The following DGKZ variants were observed in gnomAD, a reference collection of about 807,000 sequenced individuals.
DGKZ encodes DAG kinase zeta.
In DGKZ, 45 loss-of-function variants were observed where a neutral mutation model predicts 142.5. That is an observed-to-expected ratio of 0.32 (90% CI 0.25 to 0.40). The LOEUF is 0.40. Among genes scored for constraint, DGKZ ranks in the 10% least tolerant of loss-of-function variants. The pLI, the probability that DGKZ is intolerant of heterozygous loss-of-function variation, is 1.00. For synonymous variants in DGKZ, 442 were observed against 527.0 expected (o/e 0.84, Z 2.21); for missense variants, 755 against 1,306.5 (o/e 0.58, Z 6.51).
chr11:46,371,553 G>A (rs1943949214), exon 8 of DGKZ: 4 of 1,610,684 alleles, frequency 2.5e-6, no homozygotes, highest in Non-Finnish European at 2.5e-6. Flanking sequence ...GGGGGTCCAC[G>A]CAGCCGTGGT....
rs151034874 is a variant in DGKZ, at chr11:46,369,786, C to T, written c.502-155C>T. 5,522 of 928,460 alleles carry T rather than the reference C, an allele frequency of 5.9e-3. 45 individuals carry two copies. The highest frequency in any genetic ancestry group is 6.1e-3 in the Non-Finnish European group (3,643 of 598,718). The allele number at this position is 928,460 out of a possible 1,614,324, so 57.5% of individuals were successfully genotyped here. A position where few individuals can be genotyped will look rare whatever the true frequency, so the allele number is the denominator to read the frequency against. On this transcript the variant is annotated intron_variant, in intron 5 of 30. Transcript: ENST00000527911. ...CTGTCCCTCTGAGTCTGAGCCTCCC[C>T]CAGGCCATGAAGAGAGTCTTTAGCC...
chr11:46,371,056 G>C (rs963449569), intron 6 of DGKZ, among the ~76,000 whole-genome samples: 1 of 152,212 alleles, frequency 6.6e-6, no homozygotes, highest in African/African-American at 2.4e-5. Flanking sequence ...CTGCACTCCA[G>C]CCTGGGCAAC....
At chr11:46,358,297 C>T (rs1254276285) in intron 1 of DGKZ, among the ~76,000 whole-genome samples, 1 of 152,110 alleles carries the variant, frequency 6.6e-6, no homozygotes, top group African/African-American at 2.4e-5. Context: ...GTACCTATAT[C>T]TTCTGATATT....
intron 1 of DGKZ, among the ~76,000 whole-genome samples, chr11:46,350,339 TTGGCTGGTCC>T (rs1941211144): frequency 6.6e-6 from 1 of 152,164 alleles, no homozygotes; most frequent in Non-Finnish European, 1.5e-5. Flanking sequence ...CCAATGCTGC[TTGGCTGGTCC>T]TGCTACCTTT....
intron 1 of DGKZ, among the ~76,000 whole-genome samples, chr11:46,352,504 CCCAGG>C (rs1487701272): frequency 6.6e-6 from 1 of 152,194 alleles, no homozygotes; most frequent in Non-Finnish European, 1.5e-5. Flanking sequence ...TCCCCTGAGG[CCCAGG>C]CCCAGCCAGG....
chr11:46,378,345 G>A (rs939099746), intron 26 of DGKZ, 112 bp from the exon 27 acceptor site: 44 of 1,538,516 alleles, frequency 2.9e-5, no homozygotes, highest in African/African-American at 6.8e-5. Flanking sequence ...TGAGCTTCAC[G>A]CACCAACGGA....
At chr11:46,353,044 G>A (rs1426960117) in intron 1 of DGKZ, among the ~76,000 whole-genome samples, 3 of 152,242 alleles carry the variant, frequency 2.0e-5, no homozygotes, top group Non-Finnish European at 2.9e-5. Flanking sequence ...CTGTGGCCGC[G>A]GAGGGGAGGG....
In DGKZ at chr11:46,378,198, G is replaced by A. The variant is rs1485806259; in HGVS notation, c.2343G>A (p.Arg781=). 1 of 1,609,454 alleles carries A rather than the reference G, an allele frequency of 6.2e-7. No homozygotes were observed. Among genetic ancestry groups the A allele is most frequent in the Non-Finnish European group, 8.5e-7 (1 of 1,178,646 alleles). Residue 781 remains arginine (R), a splice_region_variant and synonymous_variant, in exon 26 of 31, where the codon CGG becomes CGA. Coordinates refer to ENST00000527911, the Ensembl canonical transcript of DGKZ. Reference sequence around the variant, plus strand: ...CACAGCACATCATGCTCTGTTGCAGGTCACTGCAAGGGGATGCTGCACCCC... The same window carrying A: ...CACAGCACATCATGCTCTGTTGCAGATCACTGCAAGGGGATGCTGCACCCC...
Position 46,337,662 on chromosome 11 carries a change from G to C in DGKZ, c.212+4175G>C, listed in dbSNP as rs982189635. ...CAGGTGTATAGGGTTGGGCCTGGACGCCTCCATGCTAAAAACCTCTCCCAG... is the reference window on the plus strand; with the variant it reads ...CAGGTGTATAGGGTTGGGCCTGGACCCCTCCATGCTAAAAACCTCTCCCAG... On this transcript the variant is annotated intron_variant, in intron 1 of 30. Coordinates refer to the DGKZ transcript ENST00000343674. Among the ~76,000 whole-genome samples the C allele has an allele frequency of 2.6e-5, 4 of 152,046 alleles. No homozygotes were observed. In the South Asian group the frequency reaches 8.3e-4, roughly 32 times the overall value.
intron 1 of DGKZ, among the ~76,000 whole-genome samples, chr11:46,359,191 C>T (rs1288393670): frequency 6.6e-6 from 1 of 150,466 alleles, no homozygotes; most frequent in East Asian, 2.0e-4. Flanking sequence ...GCCTGTAATC[C>T]CAGCACTTTG....
chr11:46,352,975 G>A (rs1259643831), intron 1 of DGKZ, among the ~76,000 whole-genome samples: 5 of 152,172 alleles, frequency 3.3e-5, no homozygotes, highest in Admixed American at 2.6e-4. Context: ...CCCCTGCCTC[G>A]CTGAAACACC....
In DGKZ at chr11:46,372,991, C is replaced by G; in HGVS notation, c.1216C>G (p.Leu406Val). 1.3e-6 allele frequency: 2 copies of G among 1,538,868 alleles called. No homozygotes were observed. Among genetic ancestry groups the G allele is most frequent in the Non-Finnish European group, 1.8e-6 (2 of 1,138,022 alleles). Residue 406 changes from leucine to valine, a missense_variant, in exon 14 of 31, where the codon CTC (leucine) becomes GTC (valine). Coordinates refer to ENST00000527911, the Ensembl canonical transcript of DGKZ. This position sits in a 1 kb window ranked among gnomAD's most constrained non-coding sequence, Gnocchi z 5.9. ...CACAGATGAGCCTGTGTCCAAGATC[C>G]TCTCCCACGTGGAGGAGGGGAACGT...
In DGKZ at chr11:46,372,033, C is replaced by T. The variant is rs763745024; in HGVS notation, c.832-42C>T. 1 of 1,556,440 alleles carries T rather than the reference C, an allele frequency of 6.4e-7. No individual in the cohort carries two copies. Among genetic ancestry groups the T allele is most frequent in the South Asian group, 1.2e-5 (1 of 85,858 alleles). On this transcript the variant is annotated intron_variant, in intron 9 of 30. Coordinates refer to ENST00000527911, the Ensembl canonical transcript of DGKZ. The surrounding 1 kb of genome is among the most constrained non-coding windows in gnomAD (Gnocchi z 5.9). ...CTGCTAAGGATGATGGTAGGGTGTC[C>T]TGGACGGGAAGGAGCTTACAGCCTC... is the stretch of plus-strand genomic sequence containing the variant.
rs1940847687 is a variant in DGKZ at position 46,347,836 on chromosome 11, G to T, written c.161+16G>T. 1 of 1,280,778 alleles carries T rather than the reference G, an allele frequency of 7.8e-7. No individual in the cohort carries two copies. Among genetic ancestry groups the T allele is most frequent in the East Asian group, 3.1e-5 (1 of 31,756 alleles). The allele number at this position is 1,280,778 out of a possible 1,614,324, so 79.3% of individuals were successfully genotyped here. On this transcript the variant is annotated intron_variant, in intron 1 of 30. Transcript: ENST00000527911. The surrounding 1 kb of genome is among the most constrained non-coding windows in gnomAD (Gnocchi z 6.4). ...TCGGGCACAGGTGAGCGGGGCGGCG[G>T]CGGGGCAGGCACCGAGGCACCGGCA...
chr11:46,378,839 A>C, intron 27 of DGKZ, 152 bp from the exon 28 acceptor site: 1 of 1,275,724 alleles, frequency 7.8e-7, no homozygotes, highest in Non-Finnish European at 1.1e-6. Context: ...GGTGTGCTCC[A>C]GAGAGACCCA....
At position 46,372,358 on chromosome 11, in the gene DGKZ, C is replaced by A; in HGVS notation, c.928-70C>A. The A allele has an allele frequency of 6.5e-7, 1 of 1,540,172 alleles. No individual in the cohort carries two copies. The highest frequency in any genetic ancestry group is 1.1e-5 in the South Asian group (1 of 88,796). ...TGGCCCTGGTTCCCACAGTCACACC[C>A]CTCTCCCTCTGCTGCTCCCACTTCG... is the stretch of plus-strand genomic sequence containing the variant. On this transcript the variant is annotated intron_variant, in intron 10 of 30. Coordinates refer to ENST00000527911, the Ensembl canonical transcript of DGKZ. The surrounding 1 kb of genome is among the most constrained non-coding windows in gnomAD (Gnocchi z 5.9).
intron 1 of DGKZ, among the ~76,000 whole-genome samples, chr11:46,359,891 T>G (rs945126365): frequency 1.3e-5 from 2 of 152,090 alleles, no homozygotes; most frequent in Non-Finnish European, 2.9e-5. Flanking sequence ...ATGCTGGGAT[T>G]ACAGGCGTGA....
rs1236632144 is a variant in DGKZ, at chr11:46,367,806, C to G, written c.366+59C>G. ...GGTGGAGCCAGTAGCCGCAGCCCTTCCGGGAACGTGGGATTGAGCCCGCTC... is the reference window on the plus strand; with the variant it reads ...GGTGGAGCCAGTAGCCGCAGCCCTTGCGGGAACGTGGGATTGAGCCCGCTC... On this transcript the variant is annotated intron_variant, in intron 3 of 30. Transcript: ENST00000527911. The surrounding 1 kb of genome is among the most constrained non-coding windows in gnomAD (Gnocchi z 4.1). 7 of 1,602,678 alleles carry G rather than the reference C, an allele frequency of 4.4e-6. No homozygotes were observed. Among genetic ancestry groups the G allele is most frequent in the Non-Finnish European group, 6.0e-6 (7 of 1,171,510 alleles).
At chr11:46,334,566 C>T (rs894546523) in intron 1 of DGKZ, among the ~76,000 whole-genome samples, 10 of 152,136 alleles carry the variant, frequency 6.6e-5, no homozygotes, top group Admixed American at 2.0e-4. Context: ...CATCAGGGCT[C>T]CATCACTTGG....
Sources: gnomAD v4.1 joint callset for allele counts (sites outside exome capture counted in the v4.1 genomes callset) on GRCh38, gnomAD v4.1.1 for gene constraint, Gnocchi (gnomAD v3.1) non-coding constraint, MANE v1.5 for transcripts, NCBI Gene and HGNC (gene_info 2026-07-23, HGNC 2026-07-21) for gene names.